Variants in ROBO2 observed in about 807,000 individuals in gnomAD.
ROBO2 encodes the protein roundabout guidance receptor 2, also known as roundabout homolog 2.
A neutral mutation model predicts 160.8 loss-of-function variants in ROBO2; 53 were observed. That is an observed-to-expected ratio of 0.33 (90% confidence interval 0.26 to 0.41). The LOEUF is 0.41. ROBO2 is among the 10% of genes least tolerant of loss of function. ROBO2 has a pLI of 1.00. For synonymous variants in ROBO2, 664 were observed against 611.7 expected (o/e 1.09, Z -1.26); for missense variants, 1,577 against 1,722.4 (o/e 0.92, Z 1.49).
chr3:76,953,279 T>C (rs1318655073), intron 2 of ROBO2, among the ~76,000 whole-genome samples: 1 of 152,190 alleles, frequency 6.6e-6, no homozygotes, highest in East Asian at 1.9e-4. Context: ...GATATGGTAC[T>C]TGAAATTAAG....
At chr3:76,534,387 C>T (rs1049331816) in intron 2 of ROBO2, among the ~76,000 whole-genome samples, 11 of 152,018 alleles carry the variant, frequency 7.2e-5, no homozygotes, top group South Asian at 2.1e-4. Flanking sequence ...TAATGTTTTA[C>T]GTACCAAAGC....
At chr3:76,460,428 A>T (rs962374510) in intron 2 of ROBO2, among the ~76,000 whole-genome samples, 5 of 152,206 alleles carry the variant, frequency 3.3e-5, no homozygotes, top group African/African-American at 1.2e-4. Flanking sequence ...AATGGATAGA[A>T]TATAGACAAG....
chr3:76,038,622 C>T (rs1468257716), intron 2 of ROBO2, among the ~76,000 whole-genome samples: 1 of 151,928 alleles, frequency 6.6e-6, no homozygotes, highest in African/African-American at 2.4e-5. Context: ...GCATCCGGCC[C>T]ACTTTCTCTC....
exon 26 of ROBO2, chr3:77,649,330 T>G (rs1035575541): frequency 6.6e-6 from 1 of 152,196 alleles, no homozygotes; most frequent in South Asian, 2.1e-4. Flanking sequence ...AGTTGAAAGT[T>G]TGTAATGTGC....
rs113977771 is a variant in ROBO2, at chr3:77,584,819, A to G, written c.2501-3932A>G. ...GTATACCAAAAAGGATTTAACTTAC[A>G]TGTGTGTGTATTCATTTATAGTATT... On this transcript the variant is annotated intron_variant, in intron 16 of 25. Coordinates refer to ENST00000461745, the Ensembl canonical transcript of ROBO2. Among the ~76,000 whole-genome samples, 1,474 of 151,762 alleles carry G rather than the reference A, an allele frequency of 9.7e-3. 32 individuals are homozygous for G. The highest frequency in any genetic ancestry group is 0.034 in the African/African-American group (1,417 of 41,466).
At chr3:76,016,822 TC>T (rs919201900) in intron 2 of ROBO2, among the ~76,000 whole-genome samples, 2 of 152,074 alleles carry the variant, frequency 1.3e-5, no homozygotes, top group Admixed American at 1.3e-4. Context: ...AGACAGTGCT[TC>T]TCAGGACATG....
intron 2 of ROBO2, among the ~76,000 whole-genome samples, chr3:76,625,600 AAAGG>A (rs1254553977): frequency 6.6e-6 from 1 of 152,222 alleles, no homozygotes; most frequent in Non-Finnish European, 1.5e-5. Flanking sequence ...GAAGGCTAAA[AAAGG>A]AAGTAAAGGA....
chr3:77,208,403 G>T (rs1024676893), intron 2 of ROBO2, among the ~76,000 whole-genome samples: 4 of 151,970 alleles, frequency 2.6e-5, no homozygotes, highest in Non-Finnish European at 5.9e-5. Context: ...GTTTTCTTTT[G>T]TTTTAAAGGA....
chr3:76,119,547 G>C (rs1485808105), intron 2 of ROBO2, among the ~76,000 whole-genome samples: 1 of 151,920 alleles, frequency 6.6e-6, no homozygotes. Flanking sequence ...CAGGAATTCA[G>C]AGGCAAGCTT....
intron 2 of ROBO2, among the ~76,000 whole-genome samples, chr3:76,730,196 T>C (rs28513863): frequency 0.015 from 1,545 of 99,696 alleles, 8 homozygotes; most frequent in Middle Eastern, 0.044. Flanking sequence ...TACTCCCTAC[T>C]CGCTTGTCCT....
At chr3:77,275,861 T>A (rs2059793706) in intron 2 of ROBO2, among the ~76,000 whole-genome samples, 1 of 152,182 alleles carries the variant, frequency 6.6e-6, no homozygotes, top group South Asian at 2.1e-4. Flanking sequence ...CCAGGTGTTG[T>A]ATTGCAAGGG....
At chr3:77,190,216 C>T (rs1489983165) in intron 2 of ROBO2, among the ~76,000 whole-genome samples, 1 of 151,882 alleles carries the variant, frequency 6.6e-6, no homozygotes, top group Non-Finnish European at 1.5e-5. Flanking sequence ...GTATTCCAAA[C>T]ATTTATGAAA....
intron 2 of ROBO2, among the ~76,000 whole-genome samples, chr3:76,201,446 G>A (rs1020547744): frequency 1.3e-5 from 2 of 152,098 alleles, no homozygotes; most frequent in African/African-American, 4.8e-5. Flanking sequence ...TAGAGTTTTA[G>A]AAATCGAGAG....
chr3:76,287,939 A>G (rs1453621654), intron 2 of ROBO2, among the ~76,000 whole-genome samples: 2 of 108,414 alleles, frequency 1.8e-5, no homozygotes, highest in Non-Finnish European at 3.3e-5. Context: ...TTTGTATGAC[A>G]TTCCATTTTC....
At chr3:77,457,265 C>A in intron 2 of ROBO2, among the ~76,000 whole-genome samples, 1 of 152,106 alleles carries the variant, frequency 6.6e-6, no homozygotes, top group Non-Finnish European at 1.5e-5. Context: ...GAAACTAAGG[C>A]TCCTGATTTG....
intron 2 of ROBO2, among the ~76,000 whole-genome samples, chr3:76,186,714 C>A (rs1701781560): frequency 6.6e-6 from 1 of 152,068 alleles, no homozygotes; most frequent in East Asian, 1.9e-4. Context: ...TGTCTCCAAC[C>A]ACTTCTACAT....
intron 2 of ROBO2, among the ~76,000 whole-genome samples, chr3:76,146,158 C>A (rs150042366): frequency 1.1e-3 from 173 of 152,056 alleles, no homozygotes; most frequent in African/African-American, 4.0e-3. Flanking sequence ...TCTATGTAAA[C>A]CCCTACCTTC....
At chr3:76,993,167 TA>T (rs1002082484) in intron 2 of ROBO2, among the ~76,000 whole-genome samples, 1 of 152,026 alleles carries the variant, frequency 6.6e-6, no homozygotes, top group Non-Finnish European at 1.5e-5. Context: ...TCAAGAAAAA[TA>T]AAAGCATCCT....
intron 2 of ROBO2, among the ~76,000 whole-genome samples, chr3:77,358,266 G>C (rs2069415631): frequency 6.6e-6 from 1 of 152,112 alleles, no homozygotes; most frequent in Admixed American, 6.6e-5. Context: ...GTCAATCCTT[G>C]TCCCTCAACT....
Sources: gnomAD v4.1 joint callset for allele counts (sites outside exome capture counted in the v4.1 genomes callset) on GRCh38, gnomAD v4.1.1 for gene constraint, MANE v1.5 for transcripts, NCBI Gene and HGNC (gene_info 2026-07-23, HGNC 2026-07-21) for gene names.